Variants in ROBO1 observed in about 807,000 individuals in gnomAD.
ROBO1 encodes the protein roundabout guidance receptor 1.
In ROBO1, 149 loss-of-function variants were observed where a neutral mutation model predicts 195.9. The observed-to-expected ratio is 0.76, with a 90% CI of 0.67 to 0.87. ROBO1 has a LOEUF of 0.87. Among genes scored for constraint, ROBO1 ranks in the 40% least tolerant of loss-of-function variants. The pLI is 0.00. For synonymous variants in ROBO1, 816 were observed against 733.2 expected (o/e 1.11, Z -1.82); for missense variants, 1,933 against 2,068.3 (o/e 0.93, Z 1.27).
chr3:79,270,574 T>C (rs960781905), intron 2 of ROBO1, among the ~76,000 whole-genome samples: 1 of 151,764 alleles, frequency 6.6e-6, no homozygotes, highest in Non-Finnish European at 1.5e-5. Flanking sequence ...AGACCAACAT[T>C]ATCATATGCA....
chr3:78,963,498 T>TG (rs2041497173), intron 3 of ROBO1, among the ~76,000 whole-genome samples: 2 of 116,110 alleles, frequency 1.7e-5, no homozygotes, highest in Non-Finnish European at 3.7e-5. Flanking sequence ...CCTTCAGTTT[T>TG]TTTTTTTTTT....
intron 8 of ROBO1, among the ~76,000 whole-genome samples, chr3:78,689,792 G>A (rs534290091): frequency 5.9e-5 from 9 of 151,888 alleles, no homozygotes; most frequent in East Asian, 3.9e-4. Context: ...TTAAAAGTAC[G>A]TTGAGTTACT....
At chr3:78,673,589 T>C (rs1337137218) in intron 10 of ROBO1, among the ~76,000 whole-genome samples, 6 of 69,754 alleles carry the variant, frequency 8.6e-5, no homozygotes, top group Non-Finnish European at 1.5e-4. Context: ...TATATATATA[T>C]ATATATATAT....
chr3:78,729,798 A>T (rs1369031660), intron 5 of ROBO1, among the ~76,000 whole-genome samples: 1 of 152,216 alleles, frequency 6.6e-6, no homozygotes, highest in East Asian at 1.9e-4. Context: ...CCTCTATGAA[A>T]ATTCTAGGTA....
At chr3:79,312,281 C>T (rs2033522367) in intron 2 of ROBO1, among the ~76,000 whole-genome samples, 1 of 152,162 alleles carries the variant, frequency 6.6e-6, no homozygotes, top group African/African-American at 2.4e-5. Context: ...TTCTGATCGC[C>T]ACATCTGGAT....
At chr3:78,618,778 C>T (rs761280709) in intron 26 of ROBO1, among the ~76,000 whole-genome samples, 12 of 151,820 alleles carry the variant, frequency 7.9e-5, no homozygotes, top group Non-Finnish European at 5.9e-5. Flanking sequence ...ATTTAAGAAC[C>T]AGAGTTGAGG....
chr3:78,884,932 C>T (rs891547808), intron 4 of ROBO1, among the ~76,000 whole-genome samples: 11 of 149,870 alleles, frequency 7.3e-5, no homozygotes, highest in Non-Finnish European at 1.6e-4. Flanking sequence ...AACTCAATTG[C>T]ATTGCTTTGT....
At chr3:79,083,518 T>G (rs2079313196) in intron 3 of ROBO1, among the ~76,000 whole-genome samples, 1 of 152,174 alleles carries the variant, frequency 6.6e-6, no homozygotes, top group Non-Finnish European at 1.5e-5. Flanking sequence ...AGTTTATGTT[T>G]GAAATAATAA....
rs186336880 is a variant in ROBO1, at chr3:79,054,692, G to T, written c.172+70764C>A. On this transcript the variant is annotated intron_variant, in intron 3 of 30. Transcript: ENST00000464233. ...GCGGCCAAGCTGGCTCAGCAAACAC[G>T]GCCAAATGCTGCTGCTACTGTTTGC... Among the ~76,000 whole-genome samples the T allele has an allele frequency of 1.3e-5, 2 of 152,036 alleles. 1 individual carries two copies. Among genetic ancestry groups the T allele is most frequent in the South Asian group, 4.1e-4 (2 of 4,822 alleles).
chr3:79,479,727 TA>T, intron 2 of ROBO1, among the ~76,000 whole-genome samples: 1 of 152,350 alleles, frequency 6.6e-6, no homozygotes, highest in Non-Finnish European at 1.5e-5. Context: ...CCTATTACTT[TA>T]GTTAACAGGA....
intron 1 of ROBO1, among the ~76,000 whole-genome samples, chr3:79,655,380 G>T (rs1294464573): frequency 6.6e-6 from 1 of 151,926 alleles, no homozygotes; most frequent in Non-Finnish European, 1.5e-5. Flanking sequence ...CATTATTTCT[G>T]ATACAGGAAA....
At chr3:78,972,650 G>A (rs2076794347) in intron 3 of ROBO1, among the ~76,000 whole-genome samples, 1 of 152,092 alleles carries the variant, frequency 6.6e-6, no homozygotes, top group South Asian at 2.1e-4. Flanking sequence ...CATTGTTAAG[G>A]GACAAATAGA....
chr3:79,244,981 G>A (rs2082598106), intron 2 of ROBO1, among the ~76,000 whole-genome samples: 1 of 152,028 alleles, frequency 6.6e-6, no homozygotes, highest in Non-Finnish European at 1.5e-5. Context: ...AATATAAGGA[G>A]ATTTTCTCAT....
intron 15 of ROBO1, among the ~76,000 whole-genome samples, chr3:78,661,550 T>G (rs144651936): frequency 6.6e-6 from 1 of 152,324 alleles, no homozygotes; most frequent in Non-Finnish European, 1.5e-5. Flanking sequence ...GGCATTAACT[T>G]CTATGCTTCA....
At chr3:78,854,440 G>C (rs576208082) in intron 4 of ROBO1, among the ~76,000 whole-genome samples, 2 of 150,440 alleles carry the variant, frequency 1.3e-5, no homozygotes, top group East Asian at 1.9e-4. Flanking sequence ...TATCTTACTG[G>C]TTCTATTTGT....
intron 4 of ROBO1, among the ~76,000 whole-genome samples, chr3:78,911,439 G>A (rs764610562): frequency 5.3e-5 from 8 of 152,012 alleles, no homozygotes; most frequent in Admixed American, 3.9e-4. Flanking sequence ...TTTCATGTAC[G>A]TGCTGAACCC....
chr3:79,616,890 T>A lies in ROBO1; in HGVS notation c.-50-26929A>T, dbSNP rs74843932. The stretch of plus-strand genomic sequence containing the variant: ...CCACTCCATATGTGGAGCAGCAGCA[T>A]TTCTGCAGTGGACTGCAGACCAGCC... On this transcript the variant is annotated intron_variant, in intron 1 of 30. Coordinates refer to ENST00000464233, the MANE Select transcript of ROBO1 (RefSeq NM_002941.4). Among the ~76,000 whole-genome samples the A allele has an allele frequency of 3.1e-3, 470 of 152,274 alleles. 2 individuals carry two copies. Among genetic ancestry groups the A allele is most frequent in the African/African-American group, 0.011 (458 of 41,566 alleles).
intron 2 of ROBO1, among the ~76,000 whole-genome samples, chr3:79,518,447 G>C (rs747303207): frequency 8.6e-5 from 13 of 152,024 alleles, no homozygotes; most frequent in Non-Finnish European, 1.6e-4. Context: ...CCTTCTTTCA[G>C]TTCTCTCAGG....
rs2081037036 is a variant in ROBO1, at chr3:78,685,791, C to G, written c.1297G>C (p.Val433Leu). The G allele has an allele frequency of 6.2e-7, 1 of 1,611,998 alleles. No individual in the cohort carries two copies. Among genetic ancestry groups the G allele is most frequent in the African/African-American group, 1.3e-5 (1 of 74,872 alleles). The change falls in exon 10 of 31, where the codon GTT becomes CTT. Residue 433 changes from valine (V) to leucine (L), a missense_variant. By Grantham distance (32) the Val-to-Leu change is conservative (BLOSUM62 1). Around this residue, in one of 3 missense-constraint regions of ROBO1, gnomAD observed 1,737 missense variants for 1,882.5 expected, o/e 0.92. Transcript: ENST00000464233. ...VGYYICQTLN[V>L]AGSIITKAYL... is the part of the protein sequence containing the mutation. Reference sequence around the variant, plus strand: ...GCCTTTGTGATGATGCTTCCAGCAACATTTAAAGTCTGGCAGATGTAATAA... The same window carrying G: ...GCCTTTGTGATGATGCTTCCAGCAAGATTTAAAGTCTGGCAGATGTAATAA...
Sources: gnomAD v4.1 joint callset for allele counts (sites outside exome capture counted in the v4.1 genomes callset) on GRCh38, gnomAD v4.1.1 for gene constraint, gnomAD v4.1.1 regional missense constraint, MANE v1.5 for transcripts, NCBI Gene and HGNC (gene_info 2026-07-23, HGNC 2026-07-21) for gene names.